The following SYT14 variants were observed in gnomAD, a reference collection of about 807,000 sequenced individuals.
The protein encoded by SYT14 is synaptotagmin 14, also known as synaptotagmin-14.
Under a neutral mutation model 74.2 loss-of-function variants are expected in SYT14, and 32 were observed. That is an observed-to-expected ratio of 0.43 (90% CI 0.33 to 0.58). The LOEUF (loss-of-function observed/expected upper bound fraction) is 0.58. Among genes scored for constraint, SYT14 ranks in the 20% least tolerant of loss-of-function variants. SYT14 has a pLI of 0.05. For synonymous variants in SYT14, 298 were observed against 337.7 expected (o/e 0.88, Z 1.29); for missense variants, 791 against 981.8 (o/e 0.81, Z 2.60).
intron 7 of SYT14, among the ~76,000 whole-genome samples, chr1:210,116,556 A>G (rs2082365503): frequency 6.6e-6 from 1 of 152,178 alleles, no homozygotes; most frequent in Non-Finnish European, 1.5e-5. Flanking sequence ...CATGTTGGCC[A>G]GGCTGGTCTC....
At chr1:210,013,888 T>A in intron 3 of SYT14, 91 bp downstream of exon 3, 1 of 1,276,092 alleles carries the variant, frequency 7.8e-7, no homozygotes, top group Non-Finnish European at 1.1e-6. Context: ...AGGTTGGTTG[T>A]GACATACAAT....
chr1:210,001,473 A>G (rs775904377), intron 2 of SYT14, among the ~76,000 whole-genome samples: 18 of 152,208 alleles, frequency 1.2e-4, no homozygotes, highest in Non-Finnish European at 2.1e-4. Flanking sequence ...TATATTTTAC[A>G]TTTATATTCA....
chr1:210,087,846 T>C (rs2081769080), intron 5 of SYT14, among the ~76,000 whole-genome samples: 1 of 152,168 alleles, frequency 6.6e-6, no homozygotes, highest in Non-Finnish European at 1.5e-5. Context: ...TGTGGCTTCC[T>C]TTGCCACCAT....
intron 7 of SYT14, among the ~76,000 whole-genome samples, chr1:210,141,707 A>G (rs1448850021): frequency 6.6e-6 from 1 of 152,196 alleles, no homozygotes; most frequent in Non-Finnish European, 1.5e-5. Flanking sequence ...GTCTTTGCTG[A>G]GGGGTTCTGT....
chr1:209,954,184 T>C (rs2078955997), intron 2 of SYT14, among the ~76,000 whole-genome samples: 1 of 152,178 alleles, frequency 6.6e-6, no homozygotes, highest in Non-Finnish European at 1.5e-5. Flanking sequence ...TAGAGACAGC[T>C]AGAAGCAAGA....
intron 5 of SYT14, among the ~76,000 whole-genome samples, chr1:210,067,634 TAAACGTATTTTTA>T (rs1371901161): frequency 6.6e-6 from 1 of 151,954 alleles, no homozygotes; most frequent in Non-Finnish European, 1.5e-5. Context: ...TTATGCATCT[TAAACGTATTTTTA>T]AAATTTACCC....
chr1:210,019,377 G>T (rs1558132493), intron 4 of SYT14, among the ~76,000 whole-genome samples: 1 of 152,070 alleles, frequency 6.6e-6, no homozygotes, highest in Non-Finnish European at 1.5e-5. Flanking sequence ...AGTATTTTCT[G>T]CAACAATGAA....
intron 7 of SYT14, among the ~76,000 whole-genome samples, chr1:210,131,551 A>ATATATG (rs2082674725): frequency 6.6e-6 from 1 of 151,528 alleles, no homozygotes; most frequent in Non-Finnish European, 1.5e-5. Context: ...TTATTTATAT[A>ATATATG]TATATGTATA....
chr1:209,959,228 C>T (rs751315610), intron 2 of SYT14, among the ~76,000 whole-genome samples: 12 of 151,996 alleles, frequency 7.9e-5, no homozygotes, highest in Non-Finnish European at 1.8e-4. Flanking sequence ...CTACAACCTC[C>T]GCCTCCTGGG....
intron 5 of SYT14, among the ~76,000 whole-genome samples, chr1:210,073,007 TG>T (rs1253902298): frequency 1.2e-4 from 2 of 17,046 alleles, no homozygotes; most frequent in East Asian, 1.1e-3. Flanking sequence ...AATTGCAATC[TG>T]TAAAAAAAAA....
chr1:210,072,674 C>T (rs1382216061), intron 5 of SYT14, among the ~76,000 whole-genome samples: 1 of 151,964 alleles, frequency 6.6e-6, no homozygotes, highest in African/African-American at 2.4e-5. Flanking sequence ...AGTCCTACAA[C>T]ATAGTTTATT....
intron 5 of SYT14, among the ~76,000 whole-genome samples, chr1:210,070,600 T>C (rs1219481044): frequency 6.6e-6 from 1 of 152,132 alleles, no homozygotes; most frequent in Non-Finnish European, 1.5e-5. Context: ...TCTCAAGGCC[T>C]ATGGAGTTTA....
At chr1:210,004,460 C>A (rs1228891680) in intron 2 of SYT14, among the ~76,000 whole-genome samples, 1 of 151,984 alleles carries the variant, frequency 6.6e-6, no homozygotes, top group East Asian at 1.9e-4. Context: ...TCATGGTATA[C>A]CACCAAATTT....
chr1:209,952,153 A>T (rs1010623610), intron 1 of SYT14, among the ~76,000 whole-genome samples: 1 of 152,196 alleles, frequency 6.6e-6, no homozygotes, highest in Non-Finnish European at 1.5e-5. Flanking sequence ...GAGATTTTTT[A>T]AAAAAGAAAC....
At chr1:210,131,796 T>C (rs1195012315) in intron 7 of SYT14, among the ~76,000 whole-genome samples, 1 of 152,162 alleles carries the variant, frequency 6.6e-6, no homozygotes, top group Non-Finnish European at 1.5e-5. Flanking sequence ...GTTGCAGCCA[T>C]CCCTTCTTCC....
intron 5 of SYT14, among the ~76,000 whole-genome samples, chr1:210,025,348 A>G (rs997183937): frequency 1.3e-5 from 2 of 152,218 alleles, no homozygotes; most frequent in Non-Finnish European, 2.9e-5. Flanking sequence ...AAAGAGATGA[A>G]TAGAGTAAGT....
chr1:209,949,428 C>T (rs917281746), intron 1 of SYT14, among the ~76,000 whole-genome samples: 2 of 152,072 alleles, frequency 1.3e-5, no homozygotes, highest in Non-Finnish European at 2.9e-5. Context: ...CAAAAGTTAG[C>T]TGGGCCTGGT....
chr1:209,992,483 G>A (rs2079708933), intron 2 of SYT14, among the ~76,000 whole-genome samples: 1 of 152,116 alleles, frequency 6.6e-6, no homozygotes. Flanking sequence ...TAAATAATGT[G>A]TACACATGGA....
chr1:210,062,860 A>G (rs1450997478), intron 5 of SYT14, among the ~76,000 whole-genome samples: 3 of 151,720 alleles, frequency 2.0e-5, no homozygotes, highest in Non-Finnish European at 3.0e-5. Flanking sequence ...TTTATAGTTT[A>G]TGTGCTTGTA....
Sources: gnomAD v4.1 joint callset for allele counts (sites outside exome capture counted in the v4.1 genomes callset) on GRCh38, gnomAD v4.1.1 for gene constraint, MANE v1.5 for transcripts, NCBI Gene and HGNC (gene_info 2026-07-23, HGNC 2026-07-21) for gene names.